SLC36A1: variants seen among roughly 807,000 people sequenced by gnomAD.
SLC36A1 encodes the protein proton-coupled amino acid transporter 1.
In SLC36A1, 30 loss-of-function variants were observed where a neutral mutation model predicts 47.5. The ratio of observed to expected loss-of-function variants is 0.63; its 90% CI spans 0.47 to 0.86. The LOEUF is 0.86. Among genes scored for constraint, SLC36A1 ranks in the 40% least tolerant of loss-of-function variants. SLC36A1 has a pLI of 0.00. For synonymous variants in SLC36A1, 255 were observed against 249.7 expected (o/e 1.02, Z -0.20); for missense variants, 517 against 606.0 (o/e 0.85, Z 1.54).
At chr5:151,469,618 A>G (rs1448739440) in intron 7 of SLC36A1, among the ~76,000 whole-genome samples, 1 of 152,148 alleles carries the variant, frequency 6.6e-6, no homozygotes, top group Non-Finnish European at 1.5e-5. Context: ...TAATTGCTGA[A>G]GAGTGTGCAC....
intron 2 of SLC36A1, among the ~76,000 whole-genome samples, chr5:151,461,961 C>CT (rs35783925): frequency 0.53 from 76,192 of 144,456 alleles, 19,970 homozygotes; most frequent in South Asian, 0.68. Context: ...AACTTGCTGC[C>CT]TTTTTTTTTT....
the SLC36A1 span, among the ~76,000 whole-genome samples, chr5:151,377,496 G>A: frequency 1.9e-4 from 29 of 151,118 alleles, no homozygotes; most frequent in Middle Eastern, 3.4e-3. Context: ...CTACAGGCGC[G>A]CGCCACCATG....
chr5:151,438,072 C>G (rs1039882364), intron 1 of SLC36A1, among the ~76,000 whole-genome samples: 6 of 152,078 alleles, frequency 3.9e-5, no homozygotes, highest in Non-Finnish European at 8.8e-5. Flanking sequence ...CATTTCACCT[C>G]GAGATCCTTA....
At chr5:151,379,817 A>T in the SLC36A1 span, among the ~76,000 whole-genome samples, 2 of 152,238 alleles carry the variant, frequency 1.3e-5, no homozygotes, top group Non-Finnish European at 2.9e-5. Flanking sequence ...TTTTATACTT[A>T]TGGCACGTCT....
chr5:151,468,301 T>A (rs370012590), intron 7 of SLC36A1, among the ~76,000 whole-genome samples: 9,596 of 91,538 alleles, frequency 0.1, 1,113 homozygotes, highest in African/African-American at 0.17. Flanking sequence ...ATATTTTATA[T>A]ATATATATTT....
chr5:151,554,520 C>T, the SLC36A1 span: 3 of 1,614,244 alleles, frequency 1.9e-6, no homozygotes, highest in African/African-American at 1.3e-5. Flanking sequence ...AGCCTGTACA[C>T]AGGCCCAGGG....
the SLC36A1 span, chr5:151,505,762 C>T: frequency 2.6e-5 from 42 of 1,613,706 alleles, no homozygotes; most frequent in African/African-American, 1.6e-4. Flanking sequence ...GGCCCTCCCC[C>T]TCCCTGCCGG....
chr5:151,502,681 G>C, the SLC36A1 span, among the ~76,000 whole-genome samples: 1 of 148,324 alleles, frequency 6.7e-6, no homozygotes, highest in Admixed American at 6.6e-5. Flanking sequence ...GGAGCAAAAG[G>C]AGTTCTCATT....
upstream of SLC36A1, among the ~76,000 whole-genome samples, chr5:151,445,863 GTCT>G (rs983343079): frequency 6.6e-6 from 1 of 151,498 alleles, no homozygotes; most frequent in African/African-American, 2.4e-5. Context: ...TATTTTATTA[GTCT>G]TCTTTTTTTT....
the SLC36A1 span, among the ~76,000 whole-genome samples, chr5:151,426,753 C>T: frequency 6.6e-6 from 1 of 152,144 alleles, no homozygotes; most frequent in Non-Finnish European, 1.5e-5. Flanking sequence ...CAGGTCTTTC[C>T]CTTCCCACGA....
chr5:151,465,722 CTT>C (rs1756255709), intron 5 of SLC36A1, among the ~76,000 whole-genome samples: 1 of 152,090 alleles, frequency 6.6e-6, no homozygotes, highest in South Asian at 2.1e-4. Flanking sequence ...TAAAGATTCT[CTT>C]GTCGGCTGTG....
chr5:151,407,719 A>G, the SLC36A1 span, among the ~76,000 whole-genome samples: 1 of 152,196 alleles, frequency 6.6e-6, no homozygotes, highest in African/African-American at 2.4e-5. Context: ...TGGGGATGGA[A>G]GTTGGCCTTC....
At chr5:151,449,763 G>A (rs111450564) in intron 1 of SLC36A1, among the ~76,000 whole-genome samples, 7 of 152,238 alleles carry the variant, frequency 4.6e-5, no homozygotes, top group African/African-American at 1.7e-4. Context: ...CCCTGTCACT[G>A]GAGGTAATCG....
intron 7 of SLC36A1, chr5:151,469,263 A>G (rs1459652016): frequency 2.9e-6 from 2 of 701,528 alleles, no homozygotes; most frequent in Non-Finnish European, 5.2e-6. Context: ...GAATGGATTT[A>G]CAGCCCATGT....
At chr5:151,459,206 A>AT (rs1755150764) in intron 2 of SLC36A1, among the ~76,000 whole-genome samples, 1 of 152,220 alleles carries the variant, frequency 6.6e-6, no homozygotes, top group East Asian at 1.9e-4. Flanking sequence ...TACAGAGGAC[A>AT]TTCTTTTAAT....
At chr5:151,492,573 G>A (rs187630615), downstream of SLC36A1, among the ~76,000 whole-genome samples, 1 of 151,244 alleles carries the variant, frequency 6.6e-6, no homozygotes, top group East Asian at 1.9e-4. Flanking sequence ...TTTTTTTTCT[G>A]TTAGACAATC....
At chr5:151,358,964 G>A in the SLC36A1 span, among the ~76,000 whole-genome samples, 3 of 121,868 alleles carry the variant, frequency 2.5e-5, no homozygotes, top group Admixed American at 3.1e-4. Context: ...CTGGGCGACA[G>A]AGCGAGACTC....
the SLC36A1 span, among the ~76,000 whole-genome samples, chr5:151,346,291 C>T: frequency 1.3e-5 from 2 of 152,176 alleles, no homozygotes; most frequent in Non-Finnish European, 2.9e-5. Context: ...AGCCCTGGGG[C>T]GACAGCACAG....
chr5:151,551,515 A>G, the SLC36A1 span: 18 of 1,614,234 alleles, frequency 1.1e-5, no homozygotes, highest in Admixed American at 6.7e-5. Context: ...CAGTCAAGTT[A>G]TAGTTCGACC....
Sources: gnomAD v4.1 joint callset for allele counts (sites outside exome capture counted in the v4.1 genomes callset) on GRCh38, gnomAD v4.1.1 for gene constraint, MANE v1.5 for transcripts, NCBI Gene and HGNC (gene_info 2026-07-23, HGNC 2026-07-21) for gene names.